Variants in UBR3 observed in about 807,000 individuals in gnomAD.
UBR3 encodes the protein E3 ubiquitin-protein ligase UBR3.
In UBR3, 85 loss-of-function variants were observed where a neutral mutation model predicts 243.2. The observed-to-expected ratio is 0.35, with a 90% CI of 0.29 to 0.42. The LOEUF is 0.42. UBR3 is among the 10% of genes least tolerant of loss of function. UBR3 has a pLI of 1.00. For missense variants in UBR3, 1,686 were observed against 2,300.8 expected, an observed-to-expected ratio of 0.73 and a Z score of 5.47; for synonymous variants, 748 against 799.8, an observed-to-expected ratio of 0.94 and a Z score of 1.09.
chr2:169,955,251 T>G (rs1209499728), intron 23 of UBR3, among the ~76,000 whole-genome samples: 1 of 152,086 alleles, frequency 6.6e-6, no homozygotes. Flanking sequence ...ACGTAATTTG[T>G]GGAGAGATAC....
chr2:169,908,151 A>T (rs932145412), intron 10 of UBR3, among the ~76,000 whole-genome samples: 1 of 152,120 alleles, frequency 6.6e-6, no homozygotes, highest in African/African-American at 2.4e-5. Context: ...TTTCTTTGGC[A>T]TATGGTCTTT....
chr2:169,831,134 T>A (rs1427594586), intron 1 of UBR3, among the ~76,000 whole-genome samples: 1,217 of 98,852 alleles, frequency 0.012, 9 homozygotes, highest in African/African-American at 0.018. Context: ...TATATTTTTT[T>A]TTTTTTTTTT....
chr2:169,895,155 T>G, intron 6 of UBR3, 26 bp from the exon 7 acceptor site: 5 of 1,485,976 alleles, frequency 3.4e-6, no homozygotes, highest in South Asian at 1.4e-5. Flanking sequence ...AATCATTAAC[T>G]GATAAATTTC....
At chr2:170,042,310 C>T (rs1282405500) in intron 32 of UBR3, among the ~76,000 whole-genome samples, 4 of 152,028 alleles carry the variant, frequency 2.6e-5, no homozygotes, top group East Asian at 1.9e-4. Flanking sequence ...TCATTTATCT[C>T]GATGGCTTGG....
At chr2:169,931,299 C>A (rs1041897538) in intron 18 of UBR3, among the ~76,000 whole-genome samples, 1 of 141,554 alleles carries the variant, frequency 7.1e-6, no homozygotes, top group Non-Finnish European at 1.5e-5. Context: ...TGCAGTGAGC[C>A]GAGATCGCGC....
At chr2:169,919,717 C>T (rs575992501) in intron 11 of UBR3, among the ~76,000 whole-genome samples, 2 of 152,298 alleles carry the variant, frequency 1.3e-5, no homozygotes, top group Non-Finnish European at 2.9e-5. Context: ...AAATGCTCAT[C>T]ATCACTGGCC....
At chr2:170,055,414 A>G in intron 32 of UBR3, 46 bp from the exon 33 acceptor site, 5 of 1,597,554 alleles carry the variant, frequency 3.1e-6, no homozygotes, top group Non-Finnish European at 2.6e-6. Flanking sequence ...TGTTGAGTAC[A>G]AAATATCTAG....
chr2:170,015,446 T>A (rs1024790201), intron 30 of UBR3, 80 bp downstream of exon 30: 10 of 1,162,722 alleles, frequency 8.6e-6, no homozygotes, highest in South Asian at 1.4e-5. Flanking sequence ...CATTTTGGTA[T>A]ATTTCAAATT....
chr2:169,947,380 G>T, intron 21 of UBR3, 162 bp from the exon 22 acceptor site: 1 of 512,702 alleles, frequency 2.0e-6, no homozygotes, highest in Non-Finnish European at 3.0e-6. Flanking sequence ...TTTGAATTTG[G>T]TTTTATTATT....
Position 169,890,538 on chromosome 2 carries a change from G to GATATATAT in UBR3, c.1039-626_1039-625insTATATATA, listed in dbSNP as rs1238478825. Among the ~76,000 whole-genome samples the GATATATAT allele has an allele frequency of 7.0e-4, 54 of 77,558 alleles. 2 individuals carry two copies. The highest frequency in any genetic ancestry group is 2.9e-3 in the African/African-American group (47 of 16,182). The allele number at this position is 77,558 out of a possible 152,430, so 50.9% of individuals were successfully genotyped here. On this transcript the variant is annotated intron_variant, in intron 5 of 38. Coordinates refer to ENST00000272793, the MANE Select transcript of UBR3 (RefSeq NM_172070.4). Reference sequence around the variant, plus strand: ...GAGGTTTTTCTAGGAGAGAGAGAGAGAGATATATATATATATATATATATA... The same window carrying GATATATAT: ...GAGGTTTTTCTAGGAGAGAGAGAGAGATATATATAGATATATATATATATATATATATA...
chr2:169,976,910 C>T (rs182806254), intron 24 of UBR3, among the ~76,000 whole-genome samples: 253 of 152,028 alleles, frequency 1.7e-3, no homozygotes, highest in Middle Eastern at 3.4e-3. Flanking sequence ...TTTTTTCACT[C>T]TTGTATTCTT....
intron 10 of UBR3, among the ~76,000 whole-genome samples, chr2:169,908,744 A>G (rs2085119288): frequency 1.3e-5 from 2 of 152,020 alleles, no homozygotes; most frequent in African/African-American, 2.4e-5. Context: ...AGCTCTGTGA[A>G]TATTAAATTG....
rs375703339 is a variant in UBR3 at position 169,927,303 on chromosome 2, G to A, written c.2339-17G>A. 4.6e-4 allele frequency: 710 copies of A among 1,540,934 alleles called. 1 individual carries two copies. Among genetic ancestry groups the A allele is most frequent in the Non-Finnish European group, 5.5e-4 (630 of 1,142,364 alleles). On this transcript the variant is annotated splice_polypyrimidine_tract_variant and intron_variant, in intron 16 of 38. Transcript: ENST00000272793. Reference sequence around the variant, plus strand: ...ATGTATACTCAGATTTGTTAATTCCGTTTTTAATAATTTTAGGAATGTCTG... The same window carrying A: ...ATGTATACTCAGATTTGTTAATTCCATTTTTAATAATTTTAGGAATGTCTG...
At chr2:170,059,578 C>T (rs1243567731) in intron 33 of UBR3, among the ~76,000 whole-genome samples, 3 of 151,908 alleles carry the variant, frequency 2.0e-5, no homozygotes, top group Non-Finnish European at 2.9e-5. Context: ...TGATATTTAG[C>T]GAGATATTGA....
chr2:169,957,480 C>A (rs2087358543), intron 23 of UBR3, among the ~76,000 whole-genome samples: 1 of 148,446 alleles, frequency 6.7e-6, no homozygotes, highest in African/African-American at 2.5e-5. Flanking sequence ...CCAAACACTG[C>A]ATGTTCTCAC....
intron 24 of UBR3, among the ~76,000 whole-genome samples, chr2:169,968,026 C>T (rs559118832): frequency 6.6e-6 from 1 of 151,818 alleles, no homozygotes; most frequent in African/African-American, 2.4e-5. Flanking sequence ...GAGATCCTAC[C>T]ATGCAGTGTG....
intron 33 of UBR3, among the ~76,000 whole-genome samples, chr2:170,057,241 C>G (rs2169440): frequency 1.3e-5 from 2 of 151,608 alleles, no homozygotes; most frequent in Non-Finnish European, 2.9e-5. Flanking sequence ...TCAGCCCTGA[C>G]GAGTAGTTGG....
At chr2:169,882,777 C>T (rs930248413) in intron 5 of UBR3, among the ~76,000 whole-genome samples, 4 of 151,160 alleles carry the variant, frequency 2.6e-5, no homozygotes, top group Admixed American at 6.6e-5. Flanking sequence ...TGTGATACAA[C>T]AAAAACGAAA....
rs1005861170 is a variant in UBR3, at chr2:169,875,475, C to T, written c.686-316C>T. Among the ~76,000 whole-genome samples, 4 of 152,050 alleles carry T rather than the reference C, an allele frequency of 2.6e-5. 1 individual carries two copies. The highest frequency in any genetic ancestry group is 2.0e-4 in the Admixed American group (3 of 15,258). ...TCCTGAGTAGCTGGGACTACAGGCG[C>T]GCACCACCACACTTGGTTAATTTTT... is the stretch of plus-strand genomic sequence containing the variant. On this transcript the variant is annotated intron_variant, in intron 2 of 38. Coordinates refer to ENST00000272793, the MANE Select transcript of UBR3 (RefSeq NM_172070.4).
Sources: gnomAD v4.1 joint callset for allele counts (sites outside exome capture counted in the v4.1 genomes callset) on GRCh38, gnomAD v4.1.1 for gene constraint, MANE v1.5 for transcripts, NCBI Gene and HGNC (gene_info 2026-07-23, HGNC 2026-07-21) for gene names.